Variants in KAZN observed in about 807,000 individuals in gnomAD.
KAZN encodes kazrin.
KAZN carries 40 observed loss-of-function variants against 87.4 expected under a neutral mutation model. That is an observed-to-expected ratio of 0.46 (90% CI 0.36 to 0.60). KAZN has a LOEUF of 0.60. KAZN is among the 20% of genes least tolerant of loss of function. The probability of loss-of-function intolerance (pLI) is 0.00; values close to 1 mark genes in which losing one functional copy is unlikely to be tolerated. For synonymous variants in KAZN, 466 were observed against 458.3 expected (o/e 1.02, Z -0.22); for missense variants, 898 against 1,073.9 (o/e 0.84, Z 2.29).
At chr1:13,940,226 C>T (rs1640879183) in intron 1 of KAZN, among the ~76,000 whole-genome samples, 1 of 152,064 alleles carries the variant, frequency 6.6e-6, no homozygotes, top group South Asian at 2.1e-4. Flanking sequence ...CTTCCTTGCA[C>T]ATCTGATAGA....
chr1:14,219,824 TA>T (rs1293450736), intron 2 of KAZN, among the ~76,000 whole-genome samples: 1 of 152,166 alleles, frequency 6.6e-6, no homozygotes, highest in East Asian at 1.9e-4. Flanking sequence ...CAATTCACAT[TA>T]AAGGAATATT....
intron 1 of KAZN, among the ~76,000 whole-genome samples, chr1:14,764,396 C>G (rs1210672726): frequency 6.9e-6 from 1 of 144,184 alleles, no homozygotes; most frequent in Non-Finnish European, 1.5e-5. Context: ...ACCCCCCCCA[C>G]AATGTGGGCA....
intron 2 of KAZN, among the ~76,000 whole-genome samples, chr1:14,195,511 T>TCACACACA (rs55792359): frequency 0.027 from 3,890 of 146,122 alleles, 60 homozygotes; most frequent in African/African-American, 0.032. Context: ...CAAAAACGGC[T>TCACACACA]CACACACACA....
chr1:14,222,341 T>C (rs986321933), intron 2 of KAZN, among the ~76,000 whole-genome samples: 2 of 152,106 alleles, frequency 1.3e-5, no homozygotes, highest in African/African-American at 4.8e-5. Context: ...GAAGCAGAAA[T>C]CAAGAGCCTC....
Position 14,894,637 on chromosome 1 carries a change from G to A in KAZN, c.227-66047G>A, listed in dbSNP as rs536577309. Among the ~76,000 whole-genome samples, 18 of 152,280 alleles carry A rather than the reference G, an allele frequency of 1.2e-4. No individual in the cohort carries two copies. The East Asian group carries it at 2.9e-3, about 24-fold the overall frequency. ...GTTAGGGTCACTTAATTGCTGATTC[G>A]CAGTCCTTGCTAGACTCTAAGCTTC... is the stretch of plus-strand genomic sequence containing the variant. On this transcript the variant is annotated intron_variant, in intron 1 of 14. Transcript: ENST00000376030.
chr1:14,601,266 G>T (rs1040857608), intron 1 of KAZN, among the ~76,000 whole-genome samples: 2 of 152,102 alleles, frequency 1.3e-5, no homozygotes, highest in Non-Finnish European at 2.9e-5. Context: ...ATGTTCAAAG[G>T]TTTAAACTCT....
intron 2 of KAZN, among the ~76,000 whole-genome samples, chr1:14,575,045 G>T (rs552275761): frequency 6.6e-6 from 1 of 152,256 alleles, no homozygotes; most frequent in Admixed American, 6.5e-5. Context: ...GGTAGTGGCT[G>T]GTTCAGATGG....
intron 1 of KAZN, among the ~76,000 whole-genome samples, chr1:14,716,105 T>A (rs559887941): frequency 3.3e-5 from 5 of 152,186 alleles, no homozygotes; most frequent in Non-Finnish European, 7.3e-5. Context: ...GCCTTCCAAA[T>A]GCCAATATCC....
chr1:14,977,363 A>C (rs1665751248), intron 2 of KAZN, among the ~76,000 whole-genome samples: 1 of 152,166 alleles, frequency 6.6e-6, no homozygotes, highest in Non-Finnish European at 1.5e-5. Flanking sequence ...TGAGGAGCTG[A>C]GGGAGCACTC....
intron 2 of KAZN, among the ~76,000 whole-genome samples, chr1:14,282,667 C>G (rs1652933454): frequency 6.6e-6 from 1 of 152,182 alleles, no homozygotes; most frequent in Non-Finnish European, 1.5e-5. Context: ...TGGTGTACCT[C>G]CAGCTCCTGG....
At chr1:13,988,309 A>AAATAAT (rs1639116819) in intron 1 of KAZN, among the ~76,000 whole-genome samples, 1 of 152,232 alleles carries the variant, frequency 6.6e-6, no homozygotes, top group Non-Finnish European at 1.5e-5. Flanking sequence ...TCTGCTATAT[A>AAATAAT]GTCGGGGTAA....
intron 1 of KAZN, among the ~76,000 whole-genome samples, chr1:14,132,636 A>C (rs1254493130): frequency 1.3e-5 from 2 of 152,192 alleles, no homozygotes; most frequent in Non-Finnish European, 2.9e-5. Context: ...CAAAATCAAC[A>C]AGCATTCACT....
chr1:14,910,850 T>G (rs1419425969), intron 1 of KAZN, among the ~76,000 whole-genome samples: 1 of 152,120 alleles, frequency 6.6e-6, no homozygotes, highest in Non-Finnish European at 1.5e-5. Flanking sequence ...TAAGTGAAAT[T>G]TTCTGATTCT....
chr1:14,791,671 C>CGG (rs1645677612), intron 1 of KAZN, among the ~76,000 whole-genome samples: 1 of 152,170 alleles, frequency 6.6e-6, no homozygotes, highest in African/African-American at 2.4e-5. Flanking sequence ...TGAGCTTAGT[C>CGG]CCCAGGGGAA....
upstream of KAZN, among the ~76,000 whole-genome samples, chr1:14,595,166 T>A (rs1337815466): frequency 1.3e-5 from 2 of 151,454 alleles, no homozygotes; most frequent in Non-Finnish European, 2.9e-5. Context: ...AACTGCTTAG[T>A]ATATCTGCAA....
At chr1:15,108,726 A>G (rs1303935594) in intron 13 of KAZN, among the ~76,000 whole-genome samples, 1 of 152,196 alleles carries the variant, frequency 6.6e-6, no homozygotes, top group African/African-American at 2.4e-5. Context: ...TCCTTCCTGC[A>G]CCATGATGCC....
At chr1:14,803,166 T>C (rs1646095342) in intron 1 of KAZN, among the ~76,000 whole-genome samples, 1 of 136,652 alleles carries the variant, frequency 7.3e-6, no homozygotes, top group African/African-American at 3.1e-5. Flanking sequence ...AAAGCCTCCC[T>C]TCATCTGCGC....
chr1:14,058,348 T>C (rs1320726539), intron 1 of KAZN, among the ~76,000 whole-genome samples: 2 of 152,122 alleles, frequency 1.3e-5, no homozygotes, highest in Admixed American at 6.5e-5. Flanking sequence ...CTTAAGTCTT[T>C]AAAAAAACAA....
intron 2 of KAZN, among the ~76,000 whole-genome samples, chr1:14,307,364 C>A (rs2100800274): frequency 6.6e-6 from 1 of 152,290 alleles, no homozygotes. Context: ...TCGTTTCAGC[C>A]CTGATGTTTT....
Sources: gnomAD v4.1 joint callset for allele counts (sites outside exome capture counted in the v4.1 genomes callset) on GRCh38, gnomAD v4.1.1 for gene constraint, MANE v1.5 for transcripts, NCBI Gene and HGNC (gene_info 2026-07-23, HGNC 2026-07-21) for gene names.